Variants in ENTREP2 observed in about 807,000 individuals in gnomAD.
ENTREP2 encodes protein ENTREP2.
chr15:29,568,312 G>A, the ENTREP2 span, among the ~76,000 whole-genome samples: 2 of 152,184 alleles, frequency 1.3e-5, no homozygotes. Flanking sequence ...AGTGTGCTGT[G>A]TTCATTGTTG....
At chr15:29,555,753 G>A in the ENTREP2 span, among the ~76,000 whole-genome samples, 1 of 152,238 alleles carries the variant, frequency 6.6e-6, no homozygotes, top group Non-Finnish European at 1.5e-5. Context: ...CCCTCTGAGA[G>A]TTGCATCCTT....
chr15:29,243,109 T>C, the ENTREP2 span, among the ~76,000 whole-genome samples: 1 of 152,312 alleles, frequency 6.6e-6, no homozygotes, highest in South Asian at 2.1e-4. Context: ...GCTGAGTTTA[T>C]GTTGTAAGAA....
At chr15:29,381,383 G>C in the ENTREP2 span, among the ~76,000 whole-genome samples, 1 of 148,236 alleles carries the variant, frequency 6.7e-6, no homozygotes, top group African/African-American at 2.5e-5. Flanking sequence ...TTGAACCTGG[G>C]AGGCAGAGGT....
chr15:29,537,725 G>A, the ENTREP2 span, among the ~76,000 whole-genome samples: 3 of 152,104 alleles, frequency 2.0e-5, no homozygotes, highest in Non-Finnish European at 2.9e-5. Context: ...AAACCCTCCA[G>A]TAGCTCCTGT....
the ENTREP2 span, among the ~76,000 whole-genome samples, chr15:29,190,134 C>T: frequency 4.5e-3 from 682 of 152,308 alleles, 2 homozygotes; most frequent in African/African-American, 0.016. Context: ...GAGGAGCCAC[C>T]TGCCCTCTCT....
chr15:29,286,447 C>G, the ENTREP2 span, among the ~76,000 whole-genome samples: 2 of 152,330 alleles, frequency 1.3e-5, no homozygotes, highest in Middle Eastern at 3.4e-3. Flanking sequence ...CAATCTCCCC[C>G]CTACATGCCC....
chr15:29,498,648 T>C, the ENTREP2 span, among the ~76,000 whole-genome samples: 3 of 148,130 alleles, frequency 2.0e-5, no homozygotes, highest in African/African-American at 8.0e-5. Flanking sequence ...ATGTTCTGTA[T>C]TTCTGTATAT....
the ENTREP2 span, among the ~76,000 whole-genome samples, chr15:29,159,849 C>T: frequency 6.6e-6 from 1 of 152,264 alleles, no homozygotes; most frequent in African/African-American, 2.4e-5. Context: ...CCCCACCAGA[C>T]TCAGGAGCCC....
the ENTREP2 span, among the ~76,000 whole-genome samples, chr15:29,128,365 C>G: frequency 6.6e-6 from 1 of 152,156 alleles, no homozygotes; most frequent in Non-Finnish European, 1.5e-5. Context: ...GACTTCCAGC[C>G]TGCACCCTCC....
chr15:29,645,590 C>T, the ENTREP2 span, among the ~76,000 whole-genome samples: 2 of 152,002 alleles, frequency 1.3e-5, no homozygotes, highest in Admixed American at 6.6e-5. Context: ...CAGAGTCTCG[C>T]TCTGTCACCC....
At chr15:29,163,586 C>A in the ENTREP2 span, among the ~76,000 whole-genome samples, 1 of 151,908 alleles carries the variant, frequency 6.6e-6, no homozygotes, top group Non-Finnish European at 1.5e-5. Flanking sequence ...AAGACAAGGT[C>A]TTTGAATTAA....
chr15:29,442,277 C>T, the ENTREP2 span, among the ~76,000 whole-genome samples: 402 of 152,162 alleles, frequency 2.6e-3, 2 homozygotes, highest in Non-Finnish European at 4.1e-3. Context: ...ACCAACTATT[C>T]GAACCACCCC....
the ENTREP2 span, among the ~76,000 whole-genome samples, chr15:29,525,016 G>A: frequency 3.3e-5 from 5 of 152,170 alleles, no homozygotes; most frequent in South Asian, 1.0e-3. Flanking sequence ...GTATTTTAGT[G>A]AGCCCTCTTT....
the ENTREP2 span, among the ~76,000 whole-genome samples, chr15:29,452,037 T>C: frequency 6.6e-6 from 1 of 152,236 alleles, no homozygotes; most frequent in African/African-American, 2.4e-5. Context: ...CCTTTTTATA[T>C]TGTTAACTTT....
chr15:29,651,735 A>G, the ENTREP2 span, among the ~76,000 whole-genome samples: 3 of 152,240 alleles, frequency 2.0e-5, no homozygotes, highest in Admixed American at 6.5e-5. Flanking sequence ...CAGCACCGAC[A>G]CACCAGCTCC....
chr15:29,662,574 ACT>A, the ENTREP2 span, among the ~76,000 whole-genome samples: 3 of 151,542 alleles, frequency 2.0e-5, no homozygotes, highest in Admixed American at 2.0e-4. Context: ...CAGACAGAAG[ACT>A]CCCTCTTCTT....
At chr15:29,412,423 C>G in the ENTREP2 span, among the ~76,000 whole-genome samples, 1 of 152,090 alleles carries the variant, frequency 6.6e-6, no homozygotes, top group East Asian at 1.9e-4. Flanking sequence ...AACCTTCTAG[C>G]TAACCACCTT....
At chr15:29,566,246 C>G in the ENTREP2 span, among the ~76,000 whole-genome samples, 1 of 151,556 alleles carries the variant, frequency 6.6e-6, no homozygotes, top group Non-Finnish European at 1.5e-5. Context: ...GCAAGCTCCG[C>G]CTCCTGGGTT....
chr15:29,130,243 C>T, the ENTREP2 span, among the ~76,000 whole-genome samples: 4 of 152,170 alleles, frequency 2.6e-5, no homozygotes, highest in Non-Finnish European at 5.9e-5. Flanking sequence ...TCGCATAATA[C>T]GGTCCATACT....
Sources: allele counts gnomAD v4.1 joint callset (sites outside exome capture counted in the v4.1 genomes callset), GRCh38; gene constraint gnomAD v4.1.1; transcripts MANE v1.5; gene names NCBI Gene and HGNC (gene_info 2026-07-23, HGNC 2026-07-21).